Variants in PPARGC1A observed in about 807,000 individuals in gnomAD.
PPARGC1A encodes the protein peroxisome proliferator-activated receptor gamma coactivator 1-alpha.
PPARGC1A carries 25 observed loss-of-function variants against 88.7 expected under a neutral mutation model. That is an observed-to-expected ratio of 0.28 (90% CI 0.21 to 0.39). The LOEUF (loss-of-function observed/expected upper bound fraction) is 0.39, where lower values mean the gene tolerates loss of function less well. PPARGC1A is among the 10% of genes least tolerant of loss of function. The probability of loss-of-function intolerance (pLI) is 1.00; values close to 1 mark genes in which losing one functional copy is unlikely to be tolerated. For synonymous variants in PPARGC1A, 363 were observed against 355.6 expected (o/e 1.02, Z -0.24); for missense variants, 880 against 968.7 (o/e 0.91, Z 1.22).
chr4:23,990,702 G>GT, the PPARGC1A span, among the ~76,000 whole-genome samples: 1 of 151,902 alleles, frequency 6.6e-6, no homozygotes, highest in Non-Finnish European at 1.5e-5. Context: ...GGGGTTTCTG[G>GT]AAGCATCACT....
At chr4:24,470,087 G>A in the PPARGC1A span, among the ~76,000 whole-genome samples, 3 of 152,144 alleles carry the variant, frequency 2.0e-5, no homozygotes, top group African/African-American at 7.2e-5. The surrounding 1 kb of genome is among the most constrained non-coding windows in gnomAD (Gnocchi z 5.8). Context: ...ACGGCCCCGG[G>A]GTGCAGGTCG....
the PPARGC1A span, among the ~76,000 whole-genome samples, chr4:24,267,781 C>T: frequency 6.6e-6 from 1 of 152,190 alleles, no homozygotes; most frequent in Admixed American, 6.5e-5. Context: ...GACCAAGAAG[C>T]ATAATTCTAC....
At chr4:24,331,281 G>A in the PPARGC1A span, among the ~76,000 whole-genome samples, 14 of 152,050 alleles carry the variant, frequency 9.2e-5, no homozygotes, top group East Asian at 1.9e-4. Context: ...CCTGGAATAC[G>A]CTTTCTTAGC....
chr4:24,111,321 G>C, the PPARGC1A span, among the ~76,000 whole-genome samples: 1 of 152,080 alleles, frequency 6.6e-6, no homozygotes, highest in East Asian at 1.9e-4. Context: ...TCAAAGACAT[G>C]TTCTCTCTAT....
At chr4:24,138,488 C>T in the PPARGC1A span, among the ~76,000 whole-genome samples, 1 of 152,216 alleles carries the variant, frequency 6.6e-6, no homozygotes, top group Non-Finnish European at 1.5e-5. Context: ...GGAAGGTATG[C>T]TTCCTGTTCA....
At chr4:24,401,020 T>TC in the PPARGC1A span, among the ~76,000 whole-genome samples, 993 of 134,478 alleles carry the variant, frequency 7.4e-3, 18 homozygotes, top group African/African-American at 0.026. Context: ...ATTTTCTTTT[T>TC]TTTTTTTTTT....
chr4:24,462,754 C>G, the PPARGC1A span, among the ~76,000 whole-genome samples: 8 of 149,516 alleles, frequency 5.4e-5, no homozygotes, highest in Non-Finnish European at 1.2e-4. Context: ...TAGTATGGAC[C>G]GGGCGGTCTG....
At chr4:24,189,564 C>G in the PPARGC1A span, among the ~76,000 whole-genome samples, 25 of 152,118 alleles carry the variant, frequency 1.6e-4, no homozygotes, top group Non-Finnish European at 8.8e-5. Flanking sequence ...TCCAGGAAGC[C>G]TTCCCTAATC....
intron 5 of PPARGC1A, chr4:23,825,338 A>G (rs541065137): frequency 1.3e-5 from 2 of 152,290 alleles, no homozygotes; most frequent in East Asian, 3.9e-4. Context: ...ATGCTTATCT[A>G]TAAGCATATG....
intron 2 of PPARGC1A, among the ~76,000 whole-genome samples, chr4:23,863,835 C>T (rs1302759409): frequency 6.6e-6 from 1 of 152,212 alleles, no homozygotes; most frequent in Non-Finnish European, 1.5e-5. Flanking sequence ...CAACCTCTGC[C>T]TCCCAGGTTC....
At chr4:24,112,494 A>G in the PPARGC1A span, among the ~76,000 whole-genome samples, 1 of 152,210 alleles carries the variant, frequency 6.6e-6, no homozygotes, top group East Asian at 1.9e-4. Flanking sequence ...TCTGACATCA[A>G]GACTAAGTTG....
chr4:23,878,563 G>C (rs1455313390), intron 2 of PPARGC1A, among the ~76,000 whole-genome samples: 1 of 152,084 alleles, frequency 6.6e-6, no homozygotes, highest in African/African-American at 2.4e-5. Flanking sequence ...ATAATGGCAG[G>C]GAAGAAATAG....
At chr4:24,219,092 A>G in the PPARGC1A span, among the ~76,000 whole-genome samples, 29 of 152,288 alleles carry the variant, frequency 1.9e-4, no homozygotes, top group South Asian at 5.8e-3. Flanking sequence ...TAGGATTCCA[A>G]ATTTTCAGCT....
chr4:24,099,047 G>T, the PPARGC1A span, among the ~76,000 whole-genome samples: 3 of 152,030 alleles, frequency 2.0e-5, no homozygotes, highest in African/African-American at 4.8e-5. Flanking sequence ...CATCAAGAGA[G>T]CCCAGAGACA....
At chr4:24,030,106 T>C in the PPARGC1A span, among the ~76,000 whole-genome samples, 2 of 152,200 alleles carry the variant, frequency 1.3e-5, no homozygotes, top group East Asian at 1.9e-4. Flanking sequence ...CAACAGACCA[T>C]TGACCAACTT....
the PPARGC1A span, among the ~76,000 whole-genome samples, chr4:23,937,776 C>T: frequency 0.31 from 46,669 of 152,042 alleles, 7,582 homozygotes; most frequent in Non-Finnish European, 0.37. Context: ...GATCTCTCTG[C>T]CCCTCTGCCC....
chr4:24,062,570 T>C, the PPARGC1A span, among the ~76,000 whole-genome samples: 1 of 152,168 alleles, frequency 6.6e-6, no homozygotes, highest in Non-Finnish European at 1.5e-5. Flanking sequence ...CTCCTCCAAC[T>C]AGCCTGGGGG....
At chr4:24,284,347 T>C in the PPARGC1A span, among the ~76,000 whole-genome samples, 178 of 152,224 alleles carry the variant, frequency 1.2e-3, 1 homozygote, top group African/African-American at 3.7e-3. Context: ...AAAAAATGCG[T>C]ACTCAAAGTC....
At chr4:24,360,783 T>C in the PPARGC1A span, among the ~76,000 whole-genome samples, 1 of 152,228 alleles carries the variant, frequency 6.6e-6, no homozygotes, top group African/African-American at 2.4e-5. Context: ...GGTAATGCAA[T>C]GCTTGGATAT....
Sources: allele counts gnomAD v4.1 joint callset (sites outside exome capture counted in the v4.1 genomes callset), GRCh38; gene constraint gnomAD v4.1.1; non-coding constraint Gnocchi (gnomAD v3.1); transcripts MANE v1.5; gene names NCBI Gene and HGNC (gene_info 2026-07-23, HGNC 2026-07-21).